The following LINGO2 variants were observed in gnomAD, a reference collection of about 807,000 sequenced individuals.
LINGO2 encodes the protein leucine rich repeat and Ig domain containing 2.
In LINGO2, 14 loss-of-function variants were observed where a neutral mutation model predicts 30.6. That is an observed-to-expected ratio of 0.46 (90% CI 0.30 to 0.72). LINGO2 has a LOEUF of 0.72. Among genes scored for constraint, LINGO2 ranks in the 30% least tolerant of loss-of-function variants. LINGO2 has a pLI of 0.07. For synonymous variants in LINGO2, 317 were observed against 288.5 expected (o/e 1.10, Z -1.00); for missense variants, 729 against 751.7 (o/e 0.97, Z 0.35).
the LINGO2 span, among the ~76,000 whole-genome samples, chr9:29,140,246 G>A: frequency 3.3e-5 from 5 of 151,894 alleles, no homozygotes; most frequent in African/African-American, 9.7e-5. Context: ...AAATGGGCAC[G>A]TATGAATTAT....
chr9:28,532,212 G>T (rs948894071), intron 1 of LINGO2, among the ~76,000 whole-genome samples: 1 of 152,088 alleles, frequency 6.6e-6, no homozygotes, highest in Admixed American at 6.6e-5. Context: ...CTTTCAGACA[G>T]CTTGGGGGCT....
At chr9:28,090,977 G>C (rs1321894073) in intron 4 of LINGO2, among the ~76,000 whole-genome samples, 1 of 152,050 alleles carries the variant, frequency 6.6e-6, no homozygotes, top group Non-Finnish European at 1.5e-5. Flanking sequence ...GTTTCAAAGA[G>C]GATAAAATAC....
At chr9:28,681,983 A>G in the LINGO2 span, among the ~76,000 whole-genome samples, 5 of 152,144 alleles carry the variant, frequency 3.3e-5, no homozygotes, top group African/African-American at 1.2e-4. Context: ...TCAGAGAGGT[A>G]GAGTGACTTA....
At chr9:28,324,853 C>T (rs1825169996) in intron 3 of LINGO2, among the ~76,000 whole-genome samples, 1 of 152,090 alleles carries the variant, frequency 6.6e-6, no homozygotes, top group Admixed American at 6.5e-5. Flanking sequence ...TATAGAGTAG[C>T]CATTCTTTTA....
chr9:28,764,456 C>T, the LINGO2 span, among the ~76,000 whole-genome samples: 1 of 151,810 alleles, frequency 6.6e-6, no homozygotes, highest in South Asian at 2.1e-4. Flanking sequence ...GTTTAACATC[C>T]TTTCATGATA....
rs4532691 is a variant in LINGO2, at chr9:28,088,566, C to A, written c.-86-76161G>T. On this transcript the variant is annotated intron_variant, in intron 4 of 5. Transcript: ENST00000379992. Reference sequence around the variant, plus strand: ...CAGGTCTAAGTCCTCTGGGTACTGACAGAAACACATATTGTGCAACATATG... The same window carrying A: ...CAGGTCTAAGTCCTCTGGGTACTGAAAGAAACACATATTGTGCAACATATG... 1.2e-3 allele frequency among the ~76,000 whole-genome samples: 177 copies of A among 152,048 alleles called. 1 individual carries two copies. The highest frequency in any genetic ancestry group is 4.0e-3 in the African/African-American group (167 of 41,504).
At chr9:29,002,456 C>T in the LINGO2 span, among the ~76,000 whole-genome samples, 12 of 152,052 alleles carry the variant, frequency 7.9e-5, no homozygotes, top group Non-Finnish European at 1.5e-4. Flanking sequence ...ATGCTCTGTC[C>T]TGCTGATAAC....
chr9:27,971,011 C>A (rs908917795), intron 5 of LINGO2, among the ~76,000 whole-genome samples: 2 of 151,316 alleles, frequency 1.3e-5, no homozygotes, highest in Non-Finnish European at 2.9e-5. Flanking sequence ...TGTTTTGATA[C>A]TTAAATGAGT....
At chr9:28,231,629 G>A (rs984907267) in intron 4 of LINGO2, among the ~76,000 whole-genome samples, 1 of 152,038 alleles carries the variant, frequency 6.6e-6, no homozygotes, top group Non-Finnish European at 1.5e-5. Context: ...TCCCTAATGG[G>A]TTTCAAAGGA....
intron 3 of LINGO2, among the ~76,000 whole-genome samples, chr9:28,343,626 G>A (rs1160716829): frequency 1.3e-5 from 2 of 151,972 alleles, no homozygotes; most frequent in Non-Finnish European, 1.5e-5. Flanking sequence ...TAACATAATA[G>A]GAAAAAACAT....
chr9:29,113,493 C>T, the LINGO2 span, among the ~76,000 whole-genome samples: 1 of 152,138 alleles, frequency 6.6e-6, no homozygotes, highest in Non-Finnish European at 1.5e-5. Flanking sequence ...TGTTTGTGCC[C>T]TAATTGAAGA....
At chr9:28,408,716 A>C (rs1013911612) in intron 2 of LINGO2, among the ~76,000 whole-genome samples, 1 of 151,090 alleles carries the variant, frequency 6.6e-6, no homozygotes, top group South Asian at 2.1e-4. Flanking sequence ...ACATGTATAC[A>C]TATGTAACAA....
intron 2 of LINGO2, among the ~76,000 whole-genome samples, chr9:28,377,547 T>G (rs1347937946): frequency 6.6e-6 from 1 of 152,046 alleles, no homozygotes. Flanking sequence ...CAACTGTGTG[T>G]GGGGGGGTTA....
chr9:28,917,744 T>C, the LINGO2 span, among the ~76,000 whole-genome samples: 1 of 152,038 alleles, frequency 6.6e-6, no homozygotes, highest in Non-Finnish European at 1.5e-5. Flanking sequence ...GGTCATAGAG[T>C]TGAGTAAAGC....
chr9:28,433,038 A>C (rs1823744310), intron 2 of LINGO2, among the ~76,000 whole-genome samples: 3 of 151,628 alleles, frequency 2.0e-5, no homozygotes, highest in African/African-American at 4.9e-5. Flanking sequence ...GAAAAAACAT[A>C]GATTCAGAAA....
the LINGO2 span, among the ~76,000 whole-genome samples, chr9:28,682,563 C>A: frequency 6.6e-6 from 1 of 151,858 alleles, no homozygotes; most frequent in East Asian, 1.9e-4. Flanking sequence ...TTTCATTTTG[C>A]CAGGTACTTT....
chr9:29,210,964 A>G, the LINGO2 span, among the ~76,000 whole-genome samples: 3 of 152,204 alleles, frequency 2.0e-5, no homozygotes, highest in African/African-American at 7.2e-5. Context: ...TAAAATGTTA[A>G]CCACTGCTTC....
At chr9:29,170,009 A>AAAC in the LINGO2 span, among the ~76,000 whole-genome samples, 6 of 151,994 alleles carry the variant, frequency 3.9e-5, no homozygotes, top group South Asian at 2.1e-4. Context: ...AACAAACAAA[A>AAAC]AACAACAACA....
intron 2 of LINGO2, among the ~76,000 whole-genome samples, chr9:28,438,827 C>CATATATATATATAT (rs200082723): frequency 5.1e-4 from 67 of 130,800 alleles, no homozygotes; most frequent in African/African-American, 1.7e-3. Context: ...AAAATATATA[C>CATATATATATATAT]ATATATATAT....
Sources: allele counts gnomAD v4.1 joint callset (sites outside exome capture counted in the v4.1 genomes callset), GRCh38; gene constraint gnomAD v4.1.1; transcripts MANE v1.5; gene names NCBI Gene and HGNC (gene_info 2026-07-23, HGNC 2026-07-21).